The following TMEM117 variants were observed in gnomAD, a reference collection of about 807,000 sequenced individuals.
TMEM117 encodes transmembrane protein 117.
TMEM117 carries 27 observed loss-of-function variants against 52.4 expected under a neutral mutation model. The observed-to-expected ratio is 0.51, with a 90% CI of 0.38 to 0.71. The LOEUF (loss-of-function observed/expected upper bound fraction) is 0.71. TMEM117 is among the 30% of genes least tolerant of loss of function. The probability of loss-of-function intolerance (pLI) is 0.00; values close to 1 mark genes in which losing one functional copy is unlikely to be tolerated. For missense variants in TMEM117, 556 were observed against 630.5 expected (o/e 0.88, Z 1.26); for synonymous variants, 215 against 206.3 (o/e 1.04, Z -0.36).
At chr12:44,164,477 A>G (rs2138263121) in intron 4 of TMEM117, among the ~76,000 whole-genome samples, 1 of 152,198 alleles carries the variant, frequency 6.6e-6, no homozygotes, top group East Asian at 1.9e-4. Context: ...TCCATTCCTG[A>G]GTTACTTCAC....
At chr12:44,066,974 A>C (rs1947230380) in intron 3 of TMEM117, among the ~76,000 whole-genome samples, 1 of 152,112 alleles carries the variant, frequency 6.6e-6, no homozygotes, top group Non-Finnish European at 1.5e-5. Flanking sequence ...TTGTCAACTA[A>C]ATTTACGTAA....
chr12:44,002,945 T>G (rs919347131), intron 3 of TMEM117, among the ~76,000 whole-genome samples: 2 of 152,158 alleles, frequency 1.3e-5, no homozygotes, highest in Non-Finnish European at 2.9e-5. Context: ...TACCTGCCAT[T>G]TACTATTTTT....
chr12:44,010,534 C>G (rs1290523425), intron 3 of TMEM117, among the ~76,000 whole-genome samples: 1 of 151,260 alleles, frequency 6.6e-6, no homozygotes, highest in Non-Finnish European at 1.5e-5. Flanking sequence ...CGACGTCTGT[C>G]TATTTTCTCT....
intron 5 of TMEM117, among the ~76,000 whole-genome samples, chr12:44,252,229 G>A (rs891232823): frequency 6.6e-6 from 1 of 152,162 alleles, no homozygotes; most frequent in Non-Finnish European, 1.5e-5. Flanking sequence ...CCTGTGGCCA[G>A]GCCCAGTGGC....
At chr12:43,827,245 C>T in the TMEM117 span, among the ~76,000 whole-genome samples, 9 of 151,994 alleles carry the variant, frequency 5.9e-5, no homozygotes, top group African/African-American at 1.9e-4. Flanking sequence ...CTTAATAGCA[C>T]GTCTCACAGT....
In TMEM117 at chr12:44,052,422, CAGG is replaced by C. The variant is rs531145160; in HGVS notation, c.411-91100_411-91098del. On this transcript the variant is annotated intron_variant, in intron 3 of 7. Transcript: ENST00000266534. Reference sequence around the variant, plus strand: ...AAGAAAGAACAAGGAGGGTAAGGAACAGGAGAAGTCATAATTGAGTGTGGCAGT... The same window carrying C: ...AAGAAAGAACAAGGAGGGTAAGGAACAGAAGTCATAATTGAGTGTGGCAGT... Among the ~76,000 whole-genome samples the C allele has an allele frequency of 7.9e-5, 12 of 152,288 alleles. 1 individual carries two copies. The South Asian group carries it at 2.5e-3, about 32-fold the overall frequency.
intron 5 of TMEM117, among the ~76,000 whole-genome samples, chr12:44,245,403 A>G (rs1263105193): frequency 6.6e-6 from 1 of 152,000 alleles, no homozygotes; most frequent in Non-Finnish European, 1.5e-5. Context: ...TTCAACATAC[A>G]GATTTTTCAC....
intron 6 of TMEM117, among the ~76,000 whole-genome samples, chr12:44,326,104 A>T (rs751638072): frequency 1.3e-5 from 2 of 152,128 alleles, no homozygotes; most frequent in Non-Finnish European, 2.9e-5. Flanking sequence ...CAGAGGTTGC[A>T]GTGAGCCAAA....
At chr12:44,003,679 C>T (rs1308823880) in intron 3 of TMEM117, among the ~76,000 whole-genome samples, 1 of 152,172 alleles carries the variant, frequency 6.6e-6, no homozygotes, top group African/African-American at 2.4e-5. Context: ...TGCTGTCTTT[C>T]TCTTGTGTCC....
intron 3 of TMEM117, among the ~76,000 whole-genome samples, chr12:44,082,476 A>G (rs1043706712): frequency 6.7e-6 from 1 of 148,576 alleles, no homozygotes; most frequent in Admixed American, 6.7e-5. Flanking sequence ...TTTTTATCAT[A>G]AACAAAACAG....
chr12:43,971,119 A>G (rs947322486), intron 3 of TMEM117, among the ~76,000 whole-genome samples: 1 of 152,038 alleles, frequency 6.6e-6, no homozygotes. Flanking sequence ...CCCTTACCTC[A>G]TGCATATAGT....
At chr12:43,802,273 A>G in the TMEM117 span, 1 of 1,498,496 alleles carries the variant, frequency 6.7e-7, no homozygotes, top group Non-Finnish European at 8.9e-7. Flanking sequence ...CAAACTATAA[A>G]AAAGTTACTT....
At chr12:44,174,665 T>C (rs1265435715) in intron 4 of TMEM117, among the ~76,000 whole-genome samples, 1 of 152,220 alleles carries the variant, frequency 6.6e-6, no homozygotes, top group South Asian at 2.1e-4. Context: ...ACTGTGTTTG[T>C]TTCTAAAATA....
At chr12:43,984,774 GT>G (rs930168909) in intron 3 of TMEM117, among the ~76,000 whole-genome samples, 18 of 150,896 alleles carry the variant, frequency 1.2e-4, no homozygotes, top group Admixed American at 7.9e-4. Context: ...TTTGTAATCT[GT>G]TTTTTTTTGT....
At position 44,047,014 on chromosome 12, in the gene TMEM117, A is replaced by G. The variant is rs558767651; in HGVS notation, c.411-96511A>G. Among the ~76,000 whole-genome samples the G allele has an allele frequency of 1.3e-4, 20 of 152,294 alleles. No homozygotes were observed. In the South Asian group the frequency reaches 3.5e-3, roughly 27 times the overall value. On this transcript the variant is annotated intron_variant, in intron 3 of 7. Transcript: ENST00000266534. ...AAGTTGACACGGGGGTGAACTTGTG[A>G]TGGTTAATACTGAGTATCAACTTGA...
intron 2 of TMEM117, among the ~76,000 whole-genome samples, chr12:43,885,505 T>C (rs939551737): frequency 6.7e-6 from 1 of 149,822 alleles, no homozygotes; most frequent in African/African-American, 2.4e-5. Flanking sequence ...TTGTAAAACA[T>C]TAGGGAAACG....
At chr12:44,370,416 C>T (rs73090673) in intron 6 of TMEM117, among the ~76,000 whole-genome samples, 14,197 of 151,428 alleles carry the variant, frequency 0.094, 853 homozygotes, top group Middle Eastern at 0.2. Flanking sequence ...TGATGTATAA[C>T]GTTTATTTAC....
chr12:43,919,845 T>TA (rs2137552768), intron 2 of TMEM117, among the ~76,000 whole-genome samples: 1 of 112,388 alleles, frequency 8.9e-6, no homozygotes, highest in East Asian at 3.4e-4. Flanking sequence ...TGTGAGGTGA[T>TA]ATCTCATTGT....
chr12:43,854,896 C>G (rs1943373837), intron 2 of TMEM117, among the ~76,000 whole-genome samples: 2 of 152,186 alleles, frequency 1.3e-5, no homozygotes, highest in African/African-American at 2.4e-5. Flanking sequence ...CTTGGCCTCC[C>G]AAAGTGCTGG....
Sources: gnomAD v4.1 joint callset for allele counts (sites outside exome capture counted in the v4.1 genomes callset) on GRCh38, gnomAD v4.1.1 for gene constraint, MANE v1.5 for transcripts, NCBI Gene and HGNC (gene_info 2026-07-23, HGNC 2026-07-21) for gene names.